Variants in BACH2 observed in about 807,000 individuals in gnomAD.
The protein encoded by BACH2 is BACH transcriptional regulator 2.
In BACH2, 5 loss-of-function variants were observed where a neutral mutation model predicts 61.8. The observed-to-expected ratio is 0.08, with a 90% CI of 0.04 to 0.17. The LOEUF is 0.17. Ranked by LOEUF, BACH2 falls within the 10% of genes least tolerant of loss-of-function variation. The probability of loss-of-function intolerance (pLI) is 1.00; values close to 1 mark genes in which losing one functional copy is unlikely to be tolerated. For missense variants in BACH2, 824 were observed against 1,091.1 expected, an observed-to-expected ratio of 0.76 and a Z score of 3.45; for synonymous variants, 446 against 440.1, an observed-to-expected ratio of 1.01 and a Z score of -0.17.
chr6:90,143,095 G>A (rs891105225), intron 4 of BACH2, among the ~76,000 whole-genome samples: 4 of 152,084 alleles, frequency 2.6e-5, no homozygotes, highest in Admixed American at 1.3e-4. Context: ...TATCAAATTC[G>A]TTTCCAGCCT....
chr6:90,028,090 G>A (rs943024229), intron 5 of BACH2, among the ~76,000 whole-genome samples: 3 of 152,112 alleles, frequency 2.0e-5, no homozygotes, highest in Non-Finnish European at 2.9e-5. Context: ...TGGCAACTTC[G>A]GCCATGACAC....
At chr6:90,286,165 A>T (rs1772010434) in intron 1 of BACH2, among the ~76,000 whole-genome samples, 1 of 152,218 alleles carries the variant, frequency 6.6e-6, no homozygotes, top group South Asian at 2.1e-4. Context: ...CTTCTGAAAA[A>T]TCAAAATAGT....
intron 4 of BACH2, among the ~76,000 whole-genome samples, chr6:90,138,053 AAC>A (rs10602894): frequency 0.69 from 99,008 of 143,498 alleles, 34,862 homozygotes; most frequent in Non-Finnish European, 0.8. Flanking sequence ...CTAATCATAA[AAC>A]ACACACACAC....
intron 2 of BACH2, among the ~76,000 whole-genome samples, chr6:90,262,378 G>C (rs149929450): frequency 6.6e-6 from 1 of 152,234 alleles, no homozygotes; most frequent in East Asian, 1.9e-4. Context: ...ACCTATCTGT[G>C]GAGCCCCTTC....
intron 3 of BACH2, among the ~76,000 whole-genome samples, chr6:90,218,495 T>C (rs558276999): frequency 1.2e-3 from 173 of 149,380 alleles, no homozygotes; most frequent in African/African-American, 3.9e-3. Flanking sequence ...CCTCCTCTTT[T>C]TCTTTTCTTT....
chr6:90,079,203 T>C (rs1474189340), intron 5 of BACH2, among the ~76,000 whole-genome samples: 2 of 152,178 alleles, frequency 1.3e-5, no homozygotes, highest in Non-Finnish European at 2.9e-5. Context: ...AGTTTTTACT[T>C]GGTTAACTGT....
chr6:90,018,203 C>A (rs746703832), intron 5 of BACH2, among the ~76,000 whole-genome samples: 8 of 152,194 alleles, frequency 5.3e-5, no homozygotes, highest in Non-Finnish European at 8.8e-5. Context: ...TTCTTACCTG[C>A]ATCTGCTGAT....
chr6:90,264,386 C>T (rs766607635), intron 2 of BACH2, among the ~76,000 whole-genome samples: 11 of 152,078 alleles, frequency 7.2e-5, no homozygotes, highest in Non-Finnish European at 1.3e-4. Flanking sequence ...ACTATAAATT[C>T]AGAGACAAAA....
At chr6:89,958,867 C>G (rs1562325824) in intron 6 of BACH2, among the ~76,000 whole-genome samples, 1 of 152,162 alleles carries the variant, frequency 6.6e-6, no homozygotes, top group Non-Finnish European at 1.5e-5. Context: ...TCCTGGTCCT[C>G]TATTCACAAT....
intron 5 of BACH2, among the ~76,000 whole-genome samples, chr6:90,059,621 C>T (rs1780572178): frequency 6.6e-6 from 1 of 152,160 alleles, no homozygotes; most frequent in African/African-American, 2.4e-5. Flanking sequence ...CATCCCATTA[C>T]TGGGTATATA....
chr6:90,153,124 A>C (rs1438278947), intron 4 of BACH2, among the ~76,000 whole-genome samples: 1 of 152,170 alleles, frequency 6.6e-6, no homozygotes, highest in African/African-American at 2.4e-5. Context: ...TCCTCCATGA[A>C]GATAAGGAGG....
intron 5 of BACH2, among the ~76,000 whole-genome samples, chr6:90,042,368 A>T (rs75415241): frequency 3.5e-5 from 5 of 144,392 alleles, no homozygotes; most frequent in East Asian, 2.0e-4. Context: ...AGTTTTTTGT[A>T]TTTTTTTTTT....
intron 5 of BACH2, among the ~76,000 whole-genome samples, chr6:90,015,611 T>C (rs895516671): frequency 1.3e-5 from 2 of 152,218 alleles, no homozygotes; most frequent in African/African-American, 2.4e-5. Context: ...TCTGATTTAA[T>C]TCCATTGTGG....
intron 3 of BACH2, among the ~76,000 whole-genome samples, chr6:90,245,722 A>G (rs933997705): frequency 6.6e-6 from 1 of 152,230 alleles, no homozygotes; most frequent in Non-Finnish European, 1.5e-5. Context: ...TTCAAGAACT[A>G]GCTATGAGGT....
At chr6:90,214,045 G>A (rs369640787) in intron 3 of BACH2, among the ~76,000 whole-genome samples, 19 of 152,106 alleles carry the variant, frequency 1.2e-4, no homozygotes, top group Admixed American at 6.5e-4. Context: ...AGCTTTTTGC[G>A]CACTTTAGAA....
At chr6:90,092,291 A>AAAAT in intron 4 of BACH2, among the ~76,000 whole-genome samples, 1 of 113,826 alleles carries the variant, frequency 8.8e-6, no homozygotes, top group African/African-American at 3.6e-5. Flanking sequence ...AAAAAAAAAA[A>AAAAT]ATATATATAT....
chr6:90,132,992 C>G (rs17773432), intron 4 of BACH2, among the ~76,000 whole-genome samples: 4,385 of 152,296 alleles, frequency 0.029, 103 homozygotes, highest in South Asian at 0.089. Context: ...ACGTGCAGCC[C>G]AGATCTGGAT....
chr6:90,263,420 T>C (rs1002419218), intron 2 of BACH2, among the ~76,000 whole-genome samples: 2 of 152,220 alleles, frequency 1.3e-5, no homozygotes, highest in African/African-American at 2.4e-5. Flanking sequence ...ATAATTCTTC[T>C]GGCAAAATAT....
At chr6:89,964,849 C>A (rs1774960300) in intron 6 of BACH2, among the ~76,000 whole-genome samples, 1 of 152,134 alleles carries the variant, frequency 6.6e-6, no homozygotes, top group Middle Eastern at 3.2e-3. Flanking sequence ...AGGGCCCCTG[C>A]CCTATGTTTC....
Sources: gnomAD v4.1 joint callset for allele counts (sites outside exome capture counted in the v4.1 genomes callset) on GRCh38, gnomAD v4.1.1 for gene constraint, MANE v1.5 for transcripts, NCBI Gene and HGNC (gene_info 2026-07-23, HGNC 2026-07-21) for gene names.